The following SLC4A1AP variants were observed in gnomAD, a reference collection of about 807,000 sequenced individuals.
SLC4A1AP encodes the protein kanadaptin.
Under a neutral mutation model 89.7 loss-of-function variants are expected in SLC4A1AP, and 64 were observed. The ratio of observed to expected loss-of-function variants is 0.71; its 90% CI spans 0.58 to 0.88. The LOEUF (loss-of-function observed/expected upper bound fraction) is 0.88, where lower values mean the gene tolerates loss of function less well. Ranked by LOEUF, SLC4A1AP falls within the 40% of genes least tolerant of loss-of-function variation. The pLI, the probability that SLC4A1AP is intolerant of heterozygous loss-of-function variation, is 0.00. For missense variants in SLC4A1AP, 931 were observed against 965.0 expected, an observed-to-expected ratio of 0.96 and a Z score of 0.47; for synonymous variants, 366 against 353.3, an observed-to-expected ratio of 1.04 and a Z score of -0.40.
chr2:27,680,577 T>C (rs1456385749), intron 8 of SLC4A1AP, among the ~76,000 whole-genome samples: 2 of 151,744 alleles, frequency 1.3e-5, no homozygotes, highest in African/African-American at 2.4e-5. Context: ...ATGGCTTGAG[T>C]TCAGGAGTTT....
At chr2:27,681,622 T>C (rs377346117) in intron 8 of SLC4A1AP, among the ~76,000 whole-genome samples, 29 of 152,294 alleles carry the variant, frequency 1.9e-4, no homozygotes, top group African/African-American at 6.5e-4. Flanking sequence ...TTGTTTTTGC[T>C]CTGTTCTCCC....
At chr2:27,665,609 C>T (rs187411462) in intron 2 of SLC4A1AP, among the ~76,000 whole-genome samples, 29 of 152,158 alleles carry the variant, frequency 1.9e-4, no homozygotes, top group African/African-American at 7.0e-4. Context: ...TGACCTTGTG[C>T]TATGTGATTA....
chr2:27,668,586 A>G, intron 3 of SLC4A1AP: 1 of 634,158 alleles, frequency 1.6e-6, no homozygotes. Flanking sequence ...AGTAGCTGGG[A>G]CAAAAGTCAC....
chr2:27,670,778 G>A (rs908466315), intron 5 of SLC4A1AP, among the ~76,000 whole-genome samples: 4 of 151,784 alleles, frequency 2.6e-5, no homozygotes, highest in African/African-American at 7.2e-5. Flanking sequence ...GGAGAATGGC[G>A]TGAACCCAGG....
chr2:27,677,713 CAT>C (rs777840834), intron 7 of SLC4A1AP, 23 bp from the exon 8 acceptor site: 9 of 1,536,134 alleles, frequency 5.9e-6, no homozygotes, highest in Middle Eastern at 1.7e-4. Flanking sequence ...TCTTTCTAAA[CAT>C]GTGTTATTCT....
At chr2:27,682,477 G>A (rs1312983973) in intron 9 of SLC4A1AP, 118 bp downstream of exon 9, 1 of 608,508 alleles carries the variant, frequency 1.6e-6, no homozygotes, top group Non-Finnish European at 2.9e-6. Context: ...AGAAAGGGCT[G>A]TGGGCTTGGT....
At chr2:27,677,878 G>A in exon 8 of SLC4A1AP, 1 of 1,608,540 alleles carries the variant, frequency 6.2e-7, no homozygotes, top group Non-Finnish European at 8.5e-7. Context: ...GAGACTTAAA[G>A]GGTTAATAAA....
At chr2:27,687,083 C>T (rs1033338646) in intron 10 of SLC4A1AP, among the ~76,000 whole-genome samples, 1 of 152,046 alleles carries the variant, frequency 6.6e-6, no homozygotes. Context: ...GGATTATAGG[C>T]GTAAGCCACC....
chr2:27,675,626 G>GA lies in SLC4A1AP; in HGVS notation c.1442dup (p.Arg482AlafsTer12). 1 of 1,611,876 alleles carries GA rather than the reference G, an allele frequency of 6.2e-7. No homozygotes were observed. Among genetic ancestry groups the GA allele is most frequent in the South Asian group, 1.1e-5 (1 of 90,792 alleles). ...TTGATAGGACTGGCCTGATTGAGAA[G>GA]AAGCGTCTGAACAGAATGAAGAAGG... On this transcript the variant is annotated frameshift_variant, in exon 6 of 14. Transcript: ENST00000613058. LOFTEE classifies it high-confidence loss of function.
At chr2:27,689,427 A>G (rs1015260444) in intron 12 of SLC4A1AP, among the ~76,000 whole-genome samples, 14 of 152,158 alleles carry the variant, frequency 9.2e-5, no homozygotes, top group African/African-American at 3.1e-4. Context: ...TACTACAGCA[A>G]AAGGACACCA....
intron 10 of SLC4A1AP, 132 bp downstream of exon 10, chr2:27,685,409 G>A: frequency 8.5e-7 from 1 of 1,173,728 alleles, no homozygotes; most frequent in Non-Finnish European, 1.2e-6. Flanking sequence ...CTGTAGCAAG[G>A]AAACATACTT....
intron 9 of SLC4A1AP, among the ~76,000 whole-genome samples, chr2:27,682,808 C>T (rs2148137900): frequency 6.6e-6 from 1 of 152,276 alleles, no homozygotes; most frequent in Non-Finnish European, 1.5e-5. Flanking sequence ...AGGCATGAGC[C>T]ATTGTGCCTG....
exon 3 of SLC4A1AP, chr2:27,667,308 T>G: frequency 6.2e-7 from 1 of 1,613,662 alleles, no homozygotes; most frequent in Non-Finnish European, 8.5e-7. Flanking sequence ...AGAACCCTAT[T>G]GTCTTAGAGT....
intron 5 of SLC4A1AP, among the ~76,000 whole-genome samples, chr2:27,674,038 G>T (rs1024591134): frequency 6.6e-6 from 1 of 151,442 alleles, no homozygotes; most frequent in Non-Finnish European, 1.5e-5. Flanking sequence ...GTGTCTGTGA[G>T]TGAGTCTGTC....
chr2:27,675,352 A>T (rs1204311551), intron 5 of SLC4A1AP, among the ~76,000 whole-genome samples, 180 bp from the exon 6 acceptor site: 1 of 152,118 alleles, frequency 6.6e-6, no homozygotes, highest in Non-Finnish European at 1.5e-5. Context: ...TATATGGCTT[A>T]TTTCACTTAG....
At chr2:27,685,047 C>A (rs772898260) in exon 10 of SLC4A1AP, 2 of 1,603,794 alleles carry the variant, frequency 1.2e-6, no homozygotes, top group African/African-American at 2.7e-5. Flanking sequence ...AAGTTACCCC[C>A]CAAGCGTCCA....
intron 10 of SLC4A1AP, 63 bp from the exon 11 acceptor site, chr2:27,687,868 TTTG>T: frequency 2.4e-6 from 3 of 1,269,438 alleles, no homozygotes; most frequent in Non-Finnish European, 3.4e-6. Context: ...TGTTTTTGTT[TTTG>T]TTTGTTTGGC....
intron 5 of SLC4A1AP, among the ~76,000 whole-genome samples, chr2:27,671,567 A>G (rs1420075826): frequency 1.3e-5 from 2 of 152,170 alleles, no homozygotes; most frequent in Non-Finnish European, 2.9e-5. Context: ...TTCAGGGCTT[A>G]TTGCTCTGCA....
At chr2:27,675,410 A>G in intron 5 of SLC4A1AP, 122 bp from the exon 6 acceptor site, 1 of 579,438 alleles carries the variant, frequency 1.7e-6, no homozygotes, top group Non-Finnish European at 2.9e-6. Context: ...GTAGTTTGGC[A>G]GCTTGTAGAA....
Sources: gnomAD v4.1 joint callset for allele counts (sites outside exome capture counted in the v4.1 genomes callset) on GRCh38, gnomAD v4.1.1 for gene constraint, MANE v1.5 for transcripts, NCBI Gene and HGNC (gene_info 2026-07-23, HGNC 2026-07-21) for gene names.